PAPPA: variants seen among roughly 807,000 people sequenced by gnomAD.
The protein encoded by PAPPA is pappalysin-1.
In PAPPA, 60 loss-of-function variants were observed where a neutral mutation model predicts 164.0. That is an observed-to-expected ratio of 0.37 (90% CI 0.30 to 0.45). The LOEUF (loss-of-function observed/expected upper bound fraction) is 0.45. Ranked by LOEUF, PAPPA falls within the 20% of genes least tolerant of loss-of-function variation. The pLI, the probability that PAPPA is intolerant of heterozygous loss-of-function variation, is 1.00. For missense variants in PAPPA, 1,782 were observed against 2,087.3 expected (o/e 0.85, Z 2.85); for synonymous variants, 875 against 814.1 (o/e 1.07, Z -1.27).
intron 10 of PAPPA, among the ~76,000 whole-genome samples, chr9:116,311,774 C>G (rs1467588913): frequency 1.3e-5 from 2 of 152,156 alleles, no homozygotes; most frequent in African/African-American, 4.8e-5. Context: ...GCATCTAATT[C>G]TTGTCAGTTC....
At chr9:116,260,655 A>G (rs929069318) in intron 7 of PAPPA, among the ~76,000 whole-genome samples, 1 of 152,174 alleles carries the variant, frequency 6.6e-6, no homozygotes, top group African/African-American at 2.4e-5. Context: ...CTCAAGACAT[A>G]AGGATACAAC....
In PAPPA at chr9:116,220,050, G is replaced by A. The variant is rs34371232; in HGVS notation, c.2032G>A (p.Ala678Thr). 29 of 1,613,960 alleles carry A rather than the reference G, an allele frequency of 1.8e-5. No individual in the cohort carries two copies. Among genetic ancestry groups the A allele is most frequent in the East Asian group, 2.2e-5 (1 of 44,872 alleles). ...CAGGAAACCAGCGCCTGTTGCCCTC[G>A]CCCCCCAAGTTCTGGGCCACACAAC... Reference protein sequence around the residue: ...PSRKPAPVALAPQVLGHTTDS... With the variant: ...PSRKPAPVALTPQVLGHTTDS... Residue 678 changes from alanine (A) to threonine (T), a missense_variant, in exon 5 of 22, where the codon GCC becomes ACC. Physicochemically the swap from Ala to Thr is moderately conservative, Grantham distance 58. Coordinates refer to ENST00000328252, the MANE Select transcript of PAPPA (RefSeq NM_002581.5).
chr9:116,225,750 A>G (rs1204542814), intron 5 of PAPPA, among the ~76,000 whole-genome samples: 3 of 152,114 alleles, frequency 2.0e-5, no homozygotes, highest in Non-Finnish European at 4.4e-5. Flanking sequence ...AAAACCTACA[A>G]TTTGAAGGTC....
chr9:116,351,300 T>C (rs535015373), intron 15 of PAPPA, among the ~76,000 whole-genome samples: 1 of 152,122 alleles, frequency 6.6e-6, no homozygotes, highest in African/African-American at 2.4e-5. Flanking sequence ...AAGACTTCTG[T>C]GAAGATTCTT....
At chr9:116,345,920 G>T (rs2118979440) in intron 14 of PAPPA, among the ~76,000 whole-genome samples, 1 of 152,268 alleles carries the variant, frequency 6.6e-6, no homozygotes, top group Non-Finnish European at 1.5e-5. Flanking sequence ...CTGGTCAGTG[G>T]ACTTTGCCTT....
rs1847049977 is a variant in PAPPA at position 116,401,249 on chromosome 9, C to T, written c.*4633C>T. 1 of 152,546 alleles carries T rather than the reference C, an allele frequency of 6.6e-6. No homozygotes were observed. The highest frequency in any genetic ancestry group is 1.5e-5 in the Non-Finnish European group (1 of 68,038). The allele number at this position is 152,546 out of a possible 1,614,324, so 9.4% of individuals were successfully genotyped here. ...TGATTATGTCCTACAATGTCAAAGT[C>T]AGCTAACTGTCGTCTACTTAAGACT... is the stretch of plus-strand genomic sequence containing the variant. On this transcript the variant is annotated 3_prime_UTR_variant, in exon 22 of 22. Coordinates refer to ENST00000328252, the MANE Select transcript of PAPPA (RefSeq NM_002581.5).
At chr9:116,280,407 G>A (rs1386419997) in intron 9 of PAPPA, among the ~76,000 whole-genome samples, 1 of 152,184 alleles carries the variant, frequency 6.6e-6, no homozygotes, top group East Asian at 1.9e-4. Flanking sequence ...TGAGTAGGAT[G>A]TGGACTCATT....
chr9:116,218,954 C>G (rs562994172), intron 4 of PAPPA, among the ~76,000 whole-genome samples: 2 of 152,318 alleles, frequency 1.3e-5, no homozygotes, highest in South Asian at 4.1e-4. Flanking sequence ...GCACCAATGG[C>G]AGCATGGAGT....
intron 17 of PAPPA, among the ~76,000 whole-genome samples, chr9:116,358,725 CCTCTT>C (rs1312652889): frequency 1.2e-4 from 19 of 152,218 alleles, no homozygotes; most frequent in Non-Finnish European, 2.9e-5. Flanking sequence ...CCTCTTCCTT[CCTCTT>C]CTCTTCTTTC....
intron 10 of PAPPA, among the ~76,000 whole-genome samples, chr9:116,312,970 C>G (rs1020783502): frequency 2.0e-5 from 3 of 151,394 alleles, no homozygotes; most frequent in African/African-American, 4.9e-5. Context: ...GTAGTCCCAG[C>G]TACTCGGGAG....
chr9:116,266,408 A>G (rs1255957720), intron 8 of PAPPA, among the ~76,000 whole-genome samples: 1 of 152,258 alleles, frequency 6.6e-6, no homozygotes, highest in South Asian at 2.1e-4. Context: ...TGAAAACTGC[A>G]TATTTATTTG....
In PAPPA at chr9:116,161,665, T is replaced by A. The variant is rs574400207; in HGVS notation, c.415+7078T>A. The stretch of plus-strand genomic sequence containing the variant: ...ATACTGAAGTACTTGTGGGTAAAAT[T>A]ATGTTTTGTCTATTTTGTTTGTTTA... On this transcript the variant is annotated intron_variant, in intron 1 of 21. Coordinates refer to ENST00000328252, the MANE Select transcript of PAPPA (RefSeq NM_002581.5). 2.0e-5 allele frequency among the ~76,000 whole-genome samples: 3 copies of A among 151,668 alleles called. No individual in the cohort carries two copies. In the South Asian group the frequency reaches 6.2e-4, roughly 32 times the overall value.
intron 7 of PAPPA, among the ~76,000 whole-genome samples, chr9:116,240,651 T>C (rs931509385): frequency 6.6e-6 from 1 of 152,152 alleles, no homozygotes; most frequent in Non-Finnish European, 1.5e-5. Context: ...GATCTAATCA[T>C]CCCAACAACC....
chr9:116,302,440 C>T (rs188388282), intron 9 of PAPPA, among the ~76,000 whole-genome samples: 1 of 152,152 alleles, frequency 6.6e-6, no homozygotes, highest in East Asian at 1.9e-4. Context: ...CTATGAGCTT[C>T]CCTACTTTAC....
chr9:116,174,686 GAATT>G lies in PAPPA; in HGVS notation c.416-12459_416-12456del, dbSNP rs199875311. ...AAAAATGGATTAATTCTTTCTTTTA[GAATT>G]AATTAATTTCTTTTAGATTAATTTC... On this transcript the variant is annotated intron_variant, in intron 1 of 21. Transcript: ENST00000328252. Among the ~76,000 whole-genome samples the G allele has an allele frequency of 8.0e-3, 1,223 of 151,958 alleles. 11 individuals carry two copies. The highest frequency in any genetic ancestry group is 0.013 in the African/African-American group (544 of 41,458).
At position 116,401,841 on chromosome 9, in the gene PAPPA, C is replaced by T. The variant is rs1847061178; in HGVS notation, c.*5225C>T. On this transcript the variant is annotated 3_prime_UTR_variant, in exon 22 of 22. Transcript: ENST00000328252. ...CTGTTCTCATAAGAATTCTTCTGGC[C>T]TATTGTAAAAAAGAAAAAAAAAAAG... 1 of 139,494 alleles carries T rather than the reference C, an allele frequency of 7.2e-6. No homozygotes were observed. Among genetic ancestry groups the T allele is most frequent in the Non-Finnish European group, 1.5e-5 (1 of 64,946 alleles). 8.6% of individuals were successfully genotyped at this position (139,494 alleles called of 1,614,324 possible).
At position 116,352,294 on chromosome 9, in the gene PAPPA, G is replaced by T. The variant is rs560729924; in HGVS notation, c.3965-412G>T. Among the ~76,000 whole-genome samples the T allele has an allele frequency of 1.6e-4, 24 of 152,340 alleles. No homozygotes were observed. In the East Asian group the frequency reaches 4.4e-3, roughly 28 times the overall value. On this transcript the variant is annotated intron_variant, in intron 15 of 21. Transcript: ENST00000328252. Reference sequence around the variant, plus strand: ...GGCAGCTTGAGGTCATGCACTCACTGATATCAGAATTTGCTGTAGTTTCTG... The same window carrying T: ...GGCAGCTTGAGGTCATGCACTCACTTATATCAGAATTTGCTGTAGTTTCTG...
intron 3 of PAPPA, among the ~76,000 whole-genome samples, chr9:116,209,716 G>C (rs1304977490): frequency 6.6e-6 from 1 of 152,212 alleles, no homozygotes; most frequent in Non-Finnish European, 1.5e-5. Flanking sequence ...TAGACATTAA[G>C]TCTGCAATCC....
chr9:116,274,654 C>G (rs1845176135), intron 9 of PAPPA, among the ~76,000 whole-genome samples: 1 of 152,232 alleles, frequency 6.6e-6, no homozygotes, highest in Non-Finnish European at 1.5e-5. Flanking sequence ...TAGAACCCAA[C>G]AGTGGAAGAT....
Sources: gnomAD v4.1 joint callset for allele counts (sites outside exome capture counted in the v4.1 genomes callset) on GRCh38, gnomAD v4.1.1 for gene constraint, MANE v1.5 for transcripts, NCBI Gene and HGNC (gene_info 2026-07-23, HGNC 2026-07-21) for gene names.